ITSN1: variants seen among roughly 807,000 people sequenced by gnomAD.
The protein encoded by ITSN1 is intersectin-1.
A neutral mutation model predicts 239.8 loss-of-function variants in ITSN1; 58 were observed. The observed-to-expected ratio is 0.24, with a 90% CI of 0.20 to 0.30. The LOEUF is 0.30. Ranked by LOEUF, ITSN1 falls within the 10% of genes least tolerant of loss-of-function variation. ITSN1 has a pLI of 1.00. For synonymous variants in ITSN1, 780 were observed against 770.8 expected (o/e 1.01, Z -0.20); for missense variants, 1,558 against 2,103.3 (o/e 0.74, Z 5.07).
intron 25 of ITSN1, 132 bp downstream of exon 25, chr21:33,823,785 C>A: frequency 1.2e-6 from 1 of 826,064 alleles, no homozygotes; most frequent in Non-Finnish European, 1.9e-6. Context: ...CCAGTGTGAC[C>A]TGTCATTGTT....
intron 22 of ITSN1, among the ~76,000 whole-genome samples, chr21:33,815,863 G>A (rs2073230257): frequency 6.9e-6 from 1 of 145,232 alleles, no homozygotes. Flanking sequence ...AAGAGGTTTG[G>A]GAGCAGGCGA....
At chr21:33,793,387 C>G (rs147264270) in intron 16 of ITSN1, among the ~76,000 whole-genome samples, 70 of 152,288 alleles carry the variant, frequency 4.6e-4, no homozygotes, top group African/African-American at 1.5e-3. Flanking sequence ...ATCAAGAAAT[C>G]AGCTGGAAAG....
intron 33 of ITSN1, among the ~76,000 whole-genome samples, chr21:33,873,063 A>T (rs1251997968): frequency 6.6e-6 from 1 of 152,122 alleles, no homozygotes; most frequent in Admixed American, 6.5e-5. Context: ...CCTGAGTTTC[A>T]CCCTCCAGGG....
At chr21:33,742,205 T>C (rs1292820755) in intron 5 of ITSN1, among the ~76,000 whole-genome samples, 3 of 151,752 alleles carry the variant, frequency 2.0e-5, no homozygotes, top group Non-Finnish European at 2.9e-5. Flanking sequence ...TACAGGCATG[T>C]GCCACCACGC....
chr21:33,699,446 C>T (rs559378764), intron 1 of ITSN1, among the ~76,000 whole-genome samples: 1 of 152,232 alleles, frequency 6.6e-6, no homozygotes, highest in African/African-American at 2.4e-5. Context: ...AATACAAGTC[C>T]AGCTGGCTGG....
intron 22 of ITSN1, 127 bp from the exon 23 acceptor site, chr21:33,818,140 C>T (rs991573237): frequency 2.0e-5 from 14 of 712,894 alleles, no homozygotes; most frequent in African/African-American, 3.6e-5. Flanking sequence ...TGTGCTGCCT[C>T]AGGGCCCTTT....
chr21:33,851,778 CTT>C (rs35567402), intron 29 of ITSN1, among the ~76,000 whole-genome samples: 1 of 66,204 alleles, frequency 1.5e-5, no homozygotes, highest in Non-Finnish European at 2.6e-5. Context: ...CTTTTCTTTC[CTT>C]TTTTTTTTTT....
At chr21:33,853,514 T>C (rs985111624) in intron 29 of ITSN1, among the ~76,000 whole-genome samples, 3 of 152,206 alleles carry the variant, frequency 2.0e-5, no homozygotes, top group Admixed American at 2.0e-4. Context: ...CGTGTAAAAC[T>C]TGAAGACTCA....
chr21:33,773,611 G>A (rs868001381), intron 12 of ITSN1, among the ~76,000 whole-genome samples: 1 of 152,218 alleles, frequency 6.6e-6, no homozygotes, highest in Middle Eastern at 3.4e-3. Context: ...GGAGGCCACT[G>A]CATTCCAGCC....
intron 29 of ITSN1, among the ~76,000 whole-genome samples, chr21:33,844,572 C>T (rs777220498): frequency 1.4e-4 from 21 of 152,150 alleles, no homozygotes; most frequent in Admixed American, 9.2e-4. Flanking sequence ...CTGGGGAATG[C>T]TGCCCCAAAG....
In ITSN1 at chr21:33,817,296, C is replaced by G. The variant is rs562292364; in HGVS notation, c.2728-971C>G. ...TGCAGCCCCGGATTGTGCTTCTCTT[C>G]CCGGACCCCCTGCAGTGTTCCACCT... On this transcript the variant is annotated intron_variant, in intron 22 of 39. Transcript: ENST00000381318. The G allele has an allele frequency of 3.1e-6, 4 of 1,304,402 alleles. No homozygotes were observed. The South Asian group carries it at 4.9e-5, about 16-fold the overall frequency. 80.8% of individuals were successfully genotyped at this position (1,304,402 alleles called of 1,614,324 possible).
chr21:33,833,557 G>A (rs979744906), intron 27 of ITSN1, among the ~76,000 whole-genome samples: 6 of 152,144 alleles, frequency 3.9e-5, no homozygotes, highest in Non-Finnish European at 8.8e-5. Context: ...AAATGCACAG[G>A]GCCTGGCTCA....
At chr21:33,886,237 A>G in intron 38 of ITSN1, 50 bp from the exon 39 acceptor site, 3 of 1,416,718 alleles carry the variant, frequency 2.1e-6, no homozygotes, top group Non-Finnish European at 1.9e-6. Flanking sequence ...AAGAGTGGAG[A>G]TCAAAATGAG....
At chr21:33,851,005 G>T (rs1272152509) in intron 29 of ITSN1, among the ~76,000 whole-genome samples, 1 of 152,174 alleles carries the variant, frequency 6.6e-6, no homozygotes, top group African/African-American at 2.4e-5. Flanking sequence ...TGGGCTGAAT[G>T]TCCCCAGAGA....
intron 6 of ITSN1, among the ~76,000 whole-genome samples, chr21:33,750,717 A>G (rs2067495651): frequency 6.6e-6 from 1 of 152,270 alleles, no homozygotes; most frequent in South Asian, 2.1e-4. Context: ...TCCCCTAGGA[A>G]TAGAACTATG....
rs1985179139 is a variant in ITSN1, at chr21:33,882,996, T to C, written c.4554+541T>C. On this transcript the variant is annotated intron_variant, in intron 35 of 39. Coordinates refer to ENST00000381318, the MANE Select transcript of ITSN1 (RefSeq NM_003024.3). The surrounding 1 kb of genome is among the most constrained non-coding windows in gnomAD (Gnocchi z 4.5). ...TCTTTGTGTCACGGGACGTTGTTTT[T>C]CTAAATTTGTCTGCATGGGGGTGTT... is the stretch of plus-strand genomic sequence containing the variant. 6.6e-6 allele frequency among the ~76,000 whole-genome samples: 1 copy of C among 152,226 alleles called. No homozygotes were observed. Among genetic ancestry groups the C allele is most frequent in the Admixed American group, 6.5e-5 (1 of 15,284 alleles).
At chr21:33,712,482 A>G (rs890777191) in intron 1 of ITSN1, among the ~76,000 whole-genome samples, 5 of 152,184 alleles carry the variant, frequency 3.3e-5, no homozygotes, top group African/African-American at 1.2e-4. Context: ...TCCATATCTC[A>G]GGTGTGAGCC....
At chr21:33,855,824 C>G (rs1259988330) in intron 29 of ITSN1, among the ~76,000 whole-genome samples, 1 of 152,232 alleles carries the variant, frequency 6.6e-6, no homozygotes, top group East Asian at 1.9e-4. Flanking sequence ...GCTCAGCTGC[C>G]CCAGGGGCCA....
At chr21:33,807,334 G>A (rs2072530649) in intron 20 of ITSN1, among the ~76,000 whole-genome samples, 2 of 152,118 alleles carry the variant, frequency 1.3e-5, no homozygotes, top group Admixed American at 6.6e-5. Context: ...TTTCCCCAGG[G>A]CTTCAGGTCG....
Sources: gnomAD v4.1 joint callset for allele counts (sites outside exome capture counted in the v4.1 genomes callset) on GRCh38, gnomAD v4.1.1 for gene constraint, Gnocchi (gnomAD v3.1) non-coding constraint, MANE v1.5 for transcripts, NCBI Gene and HGNC (gene_info 2026-07-23, HGNC 2026-07-21) for gene names.